Variants in MAGI2 observed in about 807,000 individuals in gnomAD.
MAGI2 encodes the protein membrane associated guanylate kinase, WW and PDZ domain containing 2.
MAGI2 carries 35 observed loss-of-function variants against 133.3 expected under a neutral mutation model. The observed-to-expected ratio is 0.26, with a 90% CI of 0.20 to 0.35. The LOEUF (loss-of-function observed/expected upper bound fraction) is 0.35, where lower values mean the gene tolerates loss of function less well. MAGI2 is among the 10% of genes least tolerant of loss of function. The probability of loss-of-function intolerance (pLI) is 1.00; values close to 1 mark genes in which losing one functional copy is unlikely to be tolerated. For missense variants in MAGI2, 1,636 were observed against 1,863.4 expected (o/e 0.88, Z 2.25); for synonymous variants, 729 against 710.6 (o/e 1.03, Z -0.41).
intron 1 of MAGI2, among the ~76,000 whole-genome samples, chr7:79,135,719 T>G (rs1051560134): frequency 1.3e-5 from 2 of 151,942 alleles, no homozygotes; most frequent in African/African-American, 4.8e-5. Context: ...GGATGAGAGA[T>G]AGCTTGAGGT....
intron 18 of MAGI2, among the ~76,000 whole-genome samples, chr7:78,128,399 C>T (rs1821209798): frequency 6.6e-6 from 1 of 151,972 alleles, no homozygotes; most frequent in African/African-American, 2.4e-5. Flanking sequence ...TAATGGGCTA[C>T]CCAGGGATGT....
At chr7:78,094,427 C>T (rs1817521273) in intron 20 of MAGI2, among the ~76,000 whole-genome samples, 1 of 152,160 alleles carries the variant, frequency 6.6e-6, no homozygotes, top group African/African-American at 2.4e-5. Context: ...CTTGTGGAGG[C>T]TGGCCCCTCC....
intron 2 of MAGI2, among the ~76,000 whole-genome samples, chr7:78,740,491 G>A (rs925920010): frequency 3.3e-5 from 5 of 152,104 alleles, no homozygotes; most frequent in Admixed American, 2.0e-4. Flanking sequence ...ATCTTCCTTC[G>A]TATACAGAAG....
chr7:78,539,005 G>T (rs902957158), intron 3 of MAGI2, among the ~76,000 whole-genome samples: 4 of 152,164 alleles, frequency 2.6e-5, no homozygotes, highest in Admixed American at 6.5e-5. Context: ...CAAGAATGCC[G>T]TGGCTAAGAC....
At chr7:78,849,398 G>A (rs768886078) in intron 2 of MAGI2, among the ~76,000 whole-genome samples, 5 of 152,012 alleles carry the variant, frequency 3.3e-5, no homozygotes, top group Non-Finnish European at 7.4e-5. Flanking sequence ...CAGAGAGTTG[G>A]ATACATACAA....
intron 3 of MAGI2, among the ~76,000 whole-genome samples, chr7:78,555,461 CT>C (rs1264668641): frequency 6.6e-6 from 1 of 152,008 alleles, no homozygotes; most frequent in Non-Finnish European, 1.5e-5. Context: ...ACTATTCTGG[CT>C]GCAAAAGTTT....
chr7:78,464,888 G>A (rs1319039236), intron 6 of MAGI2, among the ~76,000 whole-genome samples: 1 of 152,044 alleles, frequency 6.6e-6, no homozygotes, highest in African/African-American at 2.4e-5. Context: ...AAGCATGTGT[G>A]TTTTAGTCTA....
intron 2 of MAGI2, among the ~76,000 whole-genome samples, chr7:78,772,840 G>A (rs1825698498): frequency 6.6e-6 from 1 of 152,136 alleles, no homozygotes; most frequent in African/African-American, 2.4e-5. Flanking sequence ...GGCAAATTTA[G>A]AAAGACCTAA....
chr7:78,904,772 G>C (rs964473711), intron 2 of MAGI2, among the ~76,000 whole-genome samples: 1 of 152,030 alleles, frequency 6.6e-6, no homozygotes, highest in East Asian at 1.9e-4. Flanking sequence ...CAAAGTGCTG[G>C]GATTATAGGT....
intron 2 of MAGI2, among the ~76,000 whole-genome samples, chr7:78,960,994 CA>C (rs1802788243): frequency 6.6e-6 from 1 of 152,076 alleles, no homozygotes; most frequent in South Asian, 2.1e-4. Flanking sequence ...GATAAAATAC[CA>C]GTTCTGATTT....
At chr7:79,387,528 C>T (rs1410332646) in intron 1 of MAGI2, among the ~76,000 whole-genome samples, 1 of 151,802 alleles carries the variant, frequency 6.6e-6, no homozygotes. Context: ...GGTTTTTTTC[C>T]AGAAATTATT....
chr7:78,521,796 A>G (rs1584485835), intron 3 of MAGI2, 151 bp from the exon 4 acceptor site: 1 of 620,500 alleles, frequency 1.6e-6, no homozygotes, highest in Non-Finnish European at 2.8e-6. Flanking sequence ...TTTTCTATCT[A>G]TGTGTCTCTC....
intron 2 of MAGI2, among the ~76,000 whole-genome samples, chr7:78,635,113 C>G (rs182429052): frequency 6.6e-6 from 1 of 152,122 alleles, no homozygotes; most frequent in African/African-American, 2.4e-5. Context: ...AAGCATACAG[C>G]GTTTCTGCTC....
rs2151026001 is a variant in MAGI2, at chr7:78,018,364, A to G, written c.*951T>C. ...ACAGGGTTTAAAATAAGACAATAAA[A>G]TAAGTGAAATCACATTGCTGACAAA... On this transcript the variant is annotated 3_prime_UTR_variant, in exon 22 of 22. Coordinates refer to ENST00000354212, the MANE Select transcript of MAGI2 (RefSeq NM_012301.4). 6.5e-6 allele frequency: 1 copy of G among 152,696 alleles called. No homozygotes were observed. Among genetic ancestry groups the G allele is most frequent in the African/African-American group, 2.4e-5 (1 of 41,586 alleles). The allele number at this position is 152,696 out of a possible 1,614,324, so 9.5% of individuals were successfully genotyped here.
intron 20 of MAGI2, among the ~76,000 whole-genome samples, chr7:78,093,944 C>T (rs1006186026): frequency 2.6e-5 from 4 of 152,174 alleles, no homozygotes; most frequent in Non-Finnish European, 5.9e-5. Context: ...AGCTACTAAG[C>T]AAGCAAGCAA....
chr7:79,384,729 T>A (rs1295592242), intron 1 of MAGI2, among the ~76,000 whole-genome samples: 1 of 151,644 alleles, frequency 6.6e-6, no homozygotes, highest in Non-Finnish European at 1.5e-5. Context: ...AGTTTAAAAA[T>A]TGCATCCAAA....
intron 2 of MAGI2, among the ~76,000 whole-genome samples, chr7:78,999,230 A>T (rs906329718): frequency 1.3e-5 from 2 of 152,210 alleles, no homozygotes; most frequent in Admixed American, 6.6e-5. Flanking sequence ...CAGAAAAGCC[A>T]ATCAAGTCAG....
At chr7:78,230,295 G>A (rs1563295494) in intron 10 of MAGI2, among the ~76,000 whole-genome samples, 2 of 152,202 alleles carry the variant, frequency 1.3e-5, no homozygotes, top group Non-Finnish European at 2.9e-5. Context: ...TACATAGGGT[G>A]TACAGAGTTA....
chr7:79,238,682 C>G, intron 1 of MAGI2, among the ~76,000 whole-genome samples: 1 of 152,108 alleles, frequency 6.6e-6, no homozygotes, highest in East Asian at 1.9e-4. Context: ...TACAAAGTTT[C>G]TCTTAAATAT....
Sources: gnomAD v4.1 joint callset for allele counts (sites outside exome capture counted in the v4.1 genomes callset) on GRCh38, gnomAD v4.1.1 for gene constraint, MANE v1.5 for transcripts, NCBI Gene and HGNC (gene_info 2026-07-23, HGNC 2026-07-21) for gene names.